The following GALNT10 variants were observed in gnomAD, a reference collection of about 807,000 sequenced individuals.
The protein encoded by GALNT10 is polypeptide N-acetylgalactosaminyltransferase 10.
In GALNT10, 41 loss-of-function variants were observed where a neutral mutation model predicts 75.0. The ratio of observed to expected loss-of-function variants is 0.55; its 90% CI spans 0.43 to 0.71. The LOEUF is 0.71. Among genes scored for constraint, GALNT10 ranks in the 30% least tolerant of loss-of-function variants. The probability of loss-of-function intolerance (pLI) is 0.00; values close to 1 mark genes in which losing one functional copy is unlikely to be tolerated. For synonymous variants in GALNT10, 302 were observed against 313.0 expected, an observed-to-expected ratio of 0.96 and a Z score of 0.37; for missense variants, 727 against 818.5, an observed-to-expected ratio of 0.89 and a Z score of 1.36.
At chr5:154,243,147 T>C (rs1753364710) in intron 1 of GALNT10, among the ~76,000 whole-genome samples, 1 of 152,156 alleles carries the variant, frequency 6.6e-6, no homozygotes. Flanking sequence ...TAAATATTTT[T>C]AGAGATGGGG....
chr5:154,367,578 G>A (rs1055033969), intron 4 of GALNT10, among the ~76,000 whole-genome samples: 6 of 152,302 alleles, frequency 3.9e-5, no homozygotes, highest in African/African-American at 1.4e-4. Flanking sequence ...GTTTTGGCCA[G>A]GCACAGTGGC....
intron 1 of GALNT10, among the ~76,000 whole-genome samples, chr5:154,213,258 AC>A: frequency 6.6e-6 from 1 of 152,314 alleles, no homozygotes; most frequent in South Asian, 2.1e-4. Context: ...GTAAGTGGTA[AC>A]TACAGCTACC....
chr5:154,373,545 G>A (rs114852903), intron 4 of GALNT10, among the ~76,000 whole-genome samples: 2,789 of 152,286 alleles, frequency 0.018, 50 homozygotes, highest in Non-Finnish European at 0.026. Context: ...TGGTGGTGGT[G>A]TGGGTGTCAG....
chr5:154,327,524 G>A (rs1391133185), intron 3 of GALNT10, among the ~76,000 whole-genome samples: 6 of 152,146 alleles, frequency 3.9e-5, no homozygotes, highest in Admixed American at 3.3e-4. Context: ...GCTAAAGATG[G>A]GTTTATTTGG....
chr5:154,214,421 C>CA, intron 1 of GALNT10, among the ~76,000 whole-genome samples: 1 of 152,080 alleles, frequency 6.6e-6, no homozygotes. Flanking sequence ...ATCTCAGAAG[C>CA]AGCGAGCACT....
At chr5:154,388,130 GA>G (rs1200481915) in intron 7 of GALNT10, 1 of 152,114 alleles carries the variant, frequency 6.6e-6, no homozygotes, top group Non-Finnish European at 1.5e-5. Context: ...GACCTCAGGT[GA>G]TCCACCCACC....
chr5:154,345,845 A>G (rs555144335), intron 4 of GALNT10, among the ~76,000 whole-genome samples: 2 of 140,544 alleles, frequency 1.4e-5, no homozygotes, highest in Admixed American at 1.4e-4. Flanking sequence ...GGGTTTCACC[A>G]TGTTGCCCAG....
chr5:154,366,848 C>T (rs1356424231), intron 4 of GALNT10, among the ~76,000 whole-genome samples: 2 of 152,216 alleles, frequency 1.3e-5, no homozygotes, highest in African/African-American at 4.8e-5. Context: ...TGTCCATTCT[C>T]AGAAGGCTAG....
At chr5:154,377,515 G>T (rs770796902) in intron 5 of GALNT10, among the ~76,000 whole-genome samples, 1 of 152,234 alleles carries the variant, frequency 6.6e-6, no homozygotes, top group Non-Finnish European at 1.5e-5. Flanking sequence ...TCTGATCCAG[G>T]AGGCCCGGGG....
intron 4 of GALNT10, among the ~76,000 whole-genome samples, chr5:154,342,686 GT>G (rs1398652650): frequency 6.6e-5 from 10 of 152,338 alleles, no homozygotes; most frequent in African/African-American, 2.4e-4. Context: ...GAGGAGATAA[GT>G]TAAGATGCCT....
chr5:154,417,191 C>A lies in GALNT10; in HGVS notation c.*219C>A, dbSNP rs532714917. ...AGAGCATATCCCACAAGAGGCCCCA[C>A]AGGGAGCAGAGACTGCTTTAATCCC... On this transcript the variant is annotated 3_prime_UTR_variant, in exon 12 of 12. Transcript: ENST00000297107. The A allele has an allele frequency of 2.6e-4, 146 of 559,880 alleles. No individual in the cohort carries two copies. The highest frequency in any genetic ancestry group is 4.4e-4 in the Non-Finnish European group (137 of 312,714). The allele number at this position is 559,880 out of a possible 1,614,324, so 34.7% of individuals were successfully genotyped here. A position where few individuals can be genotyped will look rare whatever the true frequency, so the allele number is the denominator to read the frequency against.
At chr5:154,382,781 T>C (rs1755752607) in intron 6 of GALNT10, among the ~76,000 whole-genome samples, 1 of 152,130 alleles carries the variant, frequency 6.6e-6, no homozygotes, top group Non-Finnish European at 1.5e-5. Flanking sequence ...CATTGAAAGG[T>C]ACTTAAGGAC....
intron 4 of GALNT10, among the ~76,000 whole-genome samples, chr5:154,368,774 A>C (rs1482633085): frequency 6.6e-6 from 1 of 152,152 alleles, no homozygotes; most frequent in Admixed American, 6.5e-5. Context: ...TTTCCTTCTC[A>C]ACTTGTCTTT....
chr5:154,365,091 G>C (rs1755455359), intron 4 of GALNT10, among the ~76,000 whole-genome samples: 1 of 152,238 alleles, frequency 6.6e-6, no homozygotes. Context: ...TGCCTGTTTA[G>C]ATAATAGCAT....
At chr5:154,256,975 G>T (rs1000918013) in intron 1 of GALNT10, among the ~76,000 whole-genome samples, 1 of 152,034 alleles carries the variant, frequency 6.6e-6, no homozygotes, top group African/African-American at 2.4e-5. Context: ...TTTTCAAGGT[G>T]TAGAAACAGG....
intron 1 of GALNT10, among the ~76,000 whole-genome samples, chr5:154,207,763 G>A (rs1370926314): frequency 6.6e-6 from 1 of 152,162 alleles, no homozygotes; most frequent in African/African-American, 2.4e-5. Flanking sequence ...ACAGCATAGG[G>A]TGTGCAGGGT....
intron 3 of GALNT10, among the ~76,000 whole-genome samples, chr5:154,305,975 G>A (rs987170860): frequency 8.5e-5 from 13 of 152,096 alleles, no homozygotes; most frequent in African/African-American, 3.1e-4. Flanking sequence ...CCGAGATTGC[G>A]CCACTGTACT....
intron 4 of GALNT10, among the ~76,000 whole-genome samples, chr5:154,344,110 C>T (rs781766394): frequency 1.3e-5 from 2 of 152,062 alleles, no homozygotes; most frequent in Non-Finnish European, 2.9e-5. Context: ...CATCTATGCT[C>T]ATCTTCCCAT....
chr5:154,340,652 C>T (rs1401690341), intron 4 of GALNT10, among the ~76,000 whole-genome samples: 1 of 152,154 alleles, frequency 6.6e-6, no homozygotes, highest in Non-Finnish European at 1.5e-5. Context: ...ACCCAACCCA[C>T]GGGCAGCCTC....
Sources: allele counts gnomAD v4.1 joint callset (sites outside exome capture counted in the v4.1 genomes callset), GRCh38; gene constraint gnomAD v4.1.1; transcripts MANE v1.5; gene names NCBI Gene and HGNC (gene_info 2026-07-23, HGNC 2026-07-21).